SLC24A3: variants seen among roughly 807,000 people sequenced by gnomAD.
SLC24A3 encodes sodium/potassium/calcium exchanger 3.
In SLC24A3, 28 loss-of-function variants were observed where a neutral mutation model predicts 75.8. The observed-to-expected ratio is 0.37, with a 90% CI of 0.27 to 0.51. SLC24A3 has a LOEUF of 0.51. SLC24A3 is among the 20% of genes least tolerant of loss of function. The pLI is 0.94. For missense variants in SLC24A3, 663 were observed against 847.8 expected (o/e 0.78, Z 2.71); for synonymous variants, 372 against 334.1 (o/e 1.11, Z -1.24).
At chr20:19,274,029 G>A (rs181721509) in intron 1 of SLC24A3, among the ~76,000 whole-genome samples, 88 of 151,094 alleles carry the variant, frequency 5.8e-4, no homozygotes, top group African/African-American at 2.1e-3. Flanking sequence ...GGTGGCTAGG[G>A]TTGCCTTCTC....
chr20:19,494,821 G>T (rs1988259681), intron 2 of SLC24A3, among the ~76,000 whole-genome samples: 1 of 152,210 alleles, frequency 6.6e-6, no homozygotes, highest in Non-Finnish European at 1.5e-5. Flanking sequence ...ACAATTCAAA[G>T]GGATGCCCCA....
intron 1 of SLC24A3, among the ~76,000 whole-genome samples, chr20:19,279,265 G>T (rs183863389): frequency 2.3e-4 from 35 of 152,346 alleles, no homozygotes; most frequent in Non-Finnish European, 5.0e-4. Flanking sequence ...TGGGCCCATG[G>T]GTTAGGCCCA....
intron 11 of SLC24A3, 23 bp downstream of exon 11, chr20:19,684,359 C>T (rs766133590): frequency 1.9e-6 from 3 of 1,606,846 alleles, no homozygotes; most frequent in Middle Eastern, 1.7e-4. Context: ...GCACTGTCCA[C>T]TGCCCACTGG....
chr20:19,628,447 A>G (rs930638327), intron 6 of SLC24A3, among the ~76,000 whole-genome samples: 8 of 152,118 alleles, frequency 5.3e-5, no homozygotes, highest in Non-Finnish European at 7.4e-5. Flanking sequence ...GGTGAGTACA[A>G]CACCAAGAAG....
At chr20:19,415,963 A>G (rs978705457) in intron 2 of SLC24A3, among the ~76,000 whole-genome samples, 1 of 152,216 alleles carries the variant, frequency 6.6e-6, no homozygotes, top group Non-Finnish European at 1.5e-5. Flanking sequence ...AGCAAAGGTC[A>G]GGGGTTCAGA....
intron 6 of SLC24A3, among the ~76,000 whole-genome samples, chr20:19,606,507 T>C (rs1263937890): frequency 6.6e-6 from 1 of 152,210 alleles, no homozygotes; most frequent in Admixed American, 6.5e-5. Flanking sequence ...CTAAAACCTC[T>C]CACTAAATTT....
chr20:19,555,865 A>G (rs1390177717), intron 3 of SLC24A3, among the ~76,000 whole-genome samples: 1 of 152,204 alleles, frequency 6.6e-6, no homozygotes, highest in Admixed American at 6.5e-5. Flanking sequence ...GTACAAAAAG[A>G]CATGGAATGT....
At chr20:19,266,619 C>A (rs1983175370) in intron 1 of SLC24A3, among the ~76,000 whole-genome samples, 1 of 152,078 alleles carries the variant, frequency 6.6e-6, no homozygotes, top group South Asian at 2.1e-4. Context: ...TTTTGAGAAG[C>A]CAAGTGATGT....
chr20:19,244,482 C>T (rs1020172312), intron 1 of SLC24A3, among the ~76,000 whole-genome samples: 1 of 152,106 alleles, frequency 6.6e-6, no homozygotes, highest in Non-Finnish European at 1.5e-5. Context: ...GGAGAATTTA[C>T]CAGGCAAAGT....
intron 2 of SLC24A3, among the ~76,000 whole-genome samples, chr20:19,380,255 G>T (rs1986157932): frequency 6.6e-6 from 1 of 152,128 alleles, no homozygotes; most frequent in South Asian, 2.1e-4. Context: ...AGGCCTGTTG[G>T]TGCAAAGAAG....
At chr20:19,665,504 C>T (rs11087290) in intron 7 of SLC24A3, among the ~76,000 whole-genome samples, 11,314 of 152,242 alleles carry the variant, frequency 0.074, 479 homozygotes, top group Middle Eastern at 0.12. Context: ...CCTACATCCC[C>T]TTGCAGATCT....
intron 2 of SLC24A3, among the ~76,000 whole-genome samples, chr20:19,315,031 G>A (rs572666356): frequency 1.3e-5 from 2 of 152,316 alleles, no homozygotes; most frequent in African/African-American, 2.4e-5. Flanking sequence ...AGGTGGTAGG[G>A]CCAGTGTGCT....
At chr20:19,623,055 G>A (rs2031823990) in intron 6 of SLC24A3, among the ~76,000 whole-genome samples, 1 of 152,130 alleles carries the variant, frequency 6.6e-6, no homozygotes, top group African/African-American at 2.4e-5. Context: ...CTCCAACACT[G>A]GAGATCAAAT....
intron 15 of SLC24A3, among the ~76,000 whole-genome samples, chr20:19,707,097 C>G (rs573603529): frequency 6.6e-6 from 1 of 152,258 alleles, no homozygotes; most frequent in African/African-American, 2.4e-5. Context: ...TTGCTCTTCT[C>G]AAAGCAAGAG....
At chr20:19,653,497 T>G (rs910715858) in intron 6 of SLC24A3, among the ~76,000 whole-genome samples, 2 of 152,340 alleles carry the variant, frequency 1.3e-5, no homozygotes, top group East Asian at 3.9e-4. Context: ...TCCACACCCC[T>G]TCTGAAGGGC....
At chr20:19,416,173 C>G (rs954418264) in intron 2 of SLC24A3, among the ~76,000 whole-genome samples, 3 of 152,218 alleles carry the variant, frequency 2.0e-5, no homozygotes, top group Admixed American at 6.5e-5. Flanking sequence ...CACCACCTCA[C>G]CAAGGTGGGT....
In SLC24A3 at chr20:19,496,201, C is replaced by T. The variant is rs375670471; in HGVS notation, c.272-19287C>T. Among the ~76,000 whole-genome samples the T allele has an allele frequency of 5.3e-4, 80 of 152,272 alleles. 2 individuals carry two copies. The highest frequency in any genetic ancestry group is 4.6e-3 in the South Asian group (22 of 4,826). On this transcript the variant is annotated intron_variant, in intron 2 of 16. Coordinates refer to ENST00000328041, the MANE Select transcript of SLC24A3 (RefSeq NM_020689.4). ...CTCACCCGCTTCTCACTGATGATTTCGCAGAGTAAGCCTAGTCTAGCATCA... is the reference window on the plus strand; with the variant it reads ...CTCACCCGCTTCTCACTGATGATTTTGCAGAGTAAGCCTAGTCTAGCATCA...
At chr20:19,541,277 C>T (rs763908288) in intron 3 of SLC24A3, among the ~76,000 whole-genome samples, 1 of 152,184 alleles carries the variant, frequency 6.6e-6, no homozygotes, top group Non-Finnish European at 1.5e-5. Context: ...AGCGGGGAGA[C>T]GTCTCTGGAA....
chr20:19,212,793 G>A lies in SLC24A3; in HGVS notation c.-50G>A, dbSNP rs1349244872. 5 of 978,436 alleles carry A rather than the reference G, an allele frequency of 5.1e-6. No individual in the cohort carries two copies. The highest frequency in any genetic ancestry group is 6.0e-6 in the Non-Finnish European group (5 of 826,948). The allele number at this position is 978,436 out of a possible 1,614,324, so 60.6% of individuals were successfully genotyped here. ...GCCGCTGTCCCCGCCGCGGCCGCCCGCGACAGGAGCGGCCGCCGCCCGCCG... is the reference window on the plus strand; with the variant it reads ...GCCGCTGTCCCCGCCGCGGCCGCCCACGACAGGAGCGGCCGCCGCCCGCCG... On this transcript the variant is annotated 5_prime_UTR_variant, in exon 1 of 17. Transcript: ENST00000328041.
Sources: allele counts gnomAD v4.1 joint callset (sites outside exome capture counted in the v4.1 genomes callset), GRCh38; gene constraint gnomAD v4.1.1; transcripts MANE v1.5; gene names NCBI Gene and HGNC (gene_info 2026-07-23, HGNC 2026-07-21).